Variants in PRKCI observed in about 807,000 individuals in gnomAD.
PRKCI encodes the protein protein kinase C iota.
PRKCI carries 43 observed loss-of-function variants against 84.0 expected under a neutral mutation model. That is an observed-to-expected ratio of 0.51 (90% CI 0.40 to 0.66). The LOEUF is 0.66. Among genes scored for constraint, PRKCI ranks in the 30% least tolerant of loss-of-function variants. The pLI, the probability that PRKCI is intolerant of heterozygous loss-of-function variation, is 0.00. For synonymous variants in PRKCI, 216 were observed against 234.4 expected, an observed-to-expected ratio of 0.92 and a Z score of 0.72; for missense variants, 459 against 745.6, an observed-to-expected ratio of 0.62 and a Z score of 4.48.
At chr3:170,301,807 C>T (rs527742194) in intron 17 of PRKCI, among the ~76,000 whole-genome samples, 13 of 152,300 alleles carry the variant, frequency 8.5e-5, no homozygotes, top group African/African-American at 2.9e-4. Flanking sequence ...TGAAGTACCA[C>T]TCCAATTCTT....
At chr3:170,268,372 C>T (rs185165997) in intron 5 of PRKCI, among the ~76,000 whole-genome samples, 15 of 150,582 alleles carry the variant, frequency 1.0e-4, no homozygotes, top group South Asian at 6.3e-4. Flanking sequence ...CCCAGCTACT[C>T]GGGAGGCTGA....
Position 170,235,452 on chromosome 3 carries a change from A to G in PRKCI, c.223+101A>G, listed in dbSNP as rs1298485016. On this transcript the variant is annotated intron_variant, in intron 2 of 17. Coordinates refer to ENST00000295797, the MANE Select transcript of PRKCI (RefSeq NM_002740.6). ...AGTCCTAAAAAGTTTAAGAGGAAAG[A>G]CTATTAGAAATTTGATGCCATTCTT... 3 of 1,268,608 alleles carry G rather than the reference A, an allele frequency of 2.4e-6. No individual in the cohort carries two copies. In the Admixed American group the frequency reaches 7.0e-5, roughly 30 times the overall value. 78.6% of individuals were successfully genotyped at this position (1,268,608 alleles called of 1,614,324 possible).
At chr3:170,300,087 C>A (rs996103587) in intron 17 of PRKCI, among the ~76,000 whole-genome samples, 2 of 152,110 alleles carry the variant, frequency 1.3e-5, no homozygotes, top group Admixed American at 6.6e-5. Flanking sequence ...CTCAGGGAGG[C>A]CCTTATTGTT....
chr3:170,302,738 T>A (rs1451492293), intron 17 of PRKCI, among the ~76,000 whole-genome samples: 1 of 152,206 alleles, frequency 6.6e-6, no homozygotes, highest in Non-Finnish European at 1.5e-5. Flanking sequence ...TAACTAGGAA[T>A]GTTGTTCTGG....
intron 2 of PRKCI, among the ~76,000 whole-genome samples, chr3:170,245,627 C>T (rs976556118): frequency 6.6e-6 from 1 of 152,156 alleles, no homozygotes; most frequent in Non-Finnish European, 1.5e-5. Flanking sequence ...ACTGTTCACA[C>T]GGGATACACT....
chr3:170,283,787 C>T (rs964325039), intron 11 of PRKCI, among the ~76,000 whole-genome samples: 5 of 152,276 alleles, frequency 3.3e-5, no homozygotes, highest in East Asian at 3.9e-4. Flanking sequence ...GTGTATGTTA[C>T]GTACCTCCAC....
At chr3:170,283,104 C>CAAAA (rs892905150) in intron 11 of PRKCI, among the ~76,000 whole-genome samples, 6 of 107,446 alleles carry the variant, frequency 5.6e-5, no homozygotes, top group African/African-American at 1.9e-4. Flanking sequence ...GACTCCGTCT[C>CAAAA]AAAAAAAAAA....
In PRKCI at chr3:170,304,317, G is replaced by C. The variant is rs1251916994; in HGVS notation, c.*1190G>C. The stretch of plus-strand genomic sequence containing the variant: ...GAGTGAATCCCCACAGTTGCTTTTT[G>C]TGACTTGATTCAAATGAGGCACTCA... On this transcript the variant is annotated 3_prime_UTR_variant, in exon 18 of 18. Transcript: ENST00000295797. The C allele has an allele frequency of 6.6e-6, 1 of 152,090 alleles. No homozygotes were observed. Among genetic ancestry groups the C allele is most frequent in the Non-Finnish European group, 1.5e-5 (1 of 68,008 alleles). The allele number at this position is 152,090 out of a possible 1,614,324, so 9.4% of individuals were successfully genotyped here.
At chr3:170,296,923 A>G (rs1734699203) in intron 15 of PRKCI, among the ~76,000 whole-genome samples, 1 of 152,040 alleles carries the variant, frequency 6.6e-6, no homozygotes, top group African/African-American at 2.4e-5. Flanking sequence ...GGGCATGGGG[A>G]TTTTAAATTA....
chr3:170,251,189 G>T (rs1733435392), intron 2 of PRKCI, among the ~76,000 whole-genome samples: 1 of 152,104 alleles, frequency 6.6e-6, no homozygotes, highest in Non-Finnish European at 1.5e-5. Flanking sequence ...GAATGGTTTG[G>T]GAAAAAGCAA....
chr3:170,293,215 T>A (rs1734606110), intron 13 of PRKCI, 168 bp from the exon 14 acceptor site: 1 of 535,302 alleles, frequency 1.9e-6, no homozygotes, highest in Non-Finnish European at 3.1e-6. Context: ...CTACCCTTGT[T>A]GATAAATGAA....
rs1000474707 is a variant in PRKCI at position 170,305,962 on chromosome 3, A to G, written c.*2835A>G. On this transcript the variant is annotated 3_prime_UTR_variant, in exon 18 of 18. Coordinates refer to ENST00000295797, the MANE Select transcript of PRKCI (RefSeq NM_002740.6). ...TTTTTTACTTTGAAGTCTTTAAATA[A>G]AATGTATAATACCCATTGAGAGTGG... 6.6e-6 allele frequency: 1 copy of G among 151,724 alleles called. No individual in the cohort carries two copies. The highest frequency in any genetic ancestry group is 1.5e-5 in the Non-Finnish European group (1 of 67,976). The allele number at this position is 151,724 out of a possible 1,614,324, so 9.4% of individuals were successfully genotyped here.
At position 170,247,730 on chromosome 3, in the gene PRKCI, C is replaced by CAAAA. The variant is rs72411481; in HGVS notation, c.224-12212_224-12209dup. ...GGGCAACAAGAGCAAAACTCTGTCTCAAAAAAAAAAAAAAAAAAAAAAAAA... is the reference window on the plus strand; with the variant it reads ...GGGCAACAAGAGCAAAACTCTGTCTCAAAAAAAAAAAAAAAAAAAAAAAAAAAAA... On this transcript the variant is annotated intron_variant, in intron 2 of 17. Transcript: ENST00000295797. 1.3e-3 allele frequency among the ~76,000 whole-genome samples: 35 copies of CAAAA among 27,904 alleles called. 2 individuals are homozygous for CAAAA. Among genetic ancestry groups the CAAAA allele is most frequent in the African/African-American group, 3.5e-3 (24 of 6,950 alleles). 18.3% of individuals were successfully genotyped at this position (27,904 alleles called of 152,430 possible). A position where few individuals can be genotyped will look rare whatever the true frequency, so the allele number is the denominator to read the frequency against.
chr3:170,244,549 G>A (rs576208872), intron 2 of PRKCI, among the ~76,000 whole-genome samples: 15 of 152,224 alleles, frequency 9.9e-5, no homozygotes, highest in African/African-American at 3.6e-4. Context: ...TTATAATAAA[G>A]TGTTTTTGTA....
In PRKCI at chr3:170,280,259, A is replaced by C; in HGVS notation, c.738A>C (p.Ser246=). 6.2e-7 allele frequency: 1 copy of C among 1,612,490 alleles called. No homozygotes were observed. The highest frequency in any genetic ancestry group is 1.1e-5 in the South Asian group (1 of 90,910). ...AMNTRESGKA[S]SSLGLQDFDL... is the part of the protein sequence containing the mutation. ...ACACCAGGGAAAGTGGCAAAGCTTC[A>C]TCCAGTCTAGGTCTTCAGGATTTTG... The change falls in exon 9 of 18, where the codon TCA becomes TCC. Residue 246 remains serine, a synonymous_variant. Transcript: ENST00000295797.
chr3:170,286,118 G>T (rs1184967182), intron 12 of PRKCI, among the ~76,000 whole-genome samples: 1 of 151,228 alleles, frequency 6.6e-6, no homozygotes, highest in Non-Finnish European at 1.5e-5. Flanking sequence ...GTAGAGACGG[G>T]GTTTCACCAT....
chr3:170,277,262 AAAAG>A (rs1734138979), intron 8 of PRKCI, among the ~76,000 whole-genome samples: 1 of 151,832 alleles, frequency 6.6e-6, no homozygotes. Context: ...AAAGAAAAAA[AAAAG>A]GGCAAAGGAC....
chr3:170,246,025 G>A (rs186853921), intron 2 of PRKCI, among the ~76,000 whole-genome samples: 110 of 145,402 alleles, frequency 7.6e-4, no homozygotes, highest in South Asian at 1.9e-3. Flanking sequence ...TGTGATCATG[G>A]CTCACTGCAG....
At chr3:170,263,684 C>G (rs1733788968) in intron 4 of PRKCI, among the ~76,000 whole-genome samples, 1 of 152,058 alleles carries the variant, frequency 6.6e-6, no homozygotes, top group African/African-American at 2.4e-5. Flanking sequence ...ATAATCTCAG[C>G]TACTTGGGAG....
Sources: gnomAD v4.1 joint callset for allele counts (sites outside exome capture counted in the v4.1 genomes callset) on GRCh38, gnomAD v4.1.1 for gene constraint, MANE v1.5 for transcripts, NCBI Gene and HGNC (gene_info 2026-07-23, HGNC 2026-07-21) for gene names.